The following LRRTM4 variants were observed in gnomAD, a reference collection of about 807,000 sequenced individuals.
LRRTM4 encodes leucine-rich repeat transmembrane neuronal protein 4.
LRRTM4 carries 25 observed loss-of-function variants against 47.6 expected under a neutral mutation model. The ratio of observed to expected loss-of-function variants is 0.53; its 90% confidence interval spans 0.38 to 0.73. The LOEUF (loss-of-function observed/expected upper bound fraction) is 0.73, where lower values mean the gene tolerates loss of function less well. Among genes scored for constraint, LRRTM4 ranks in the 30% least tolerant of loss-of-function variants. The probability of loss-of-function intolerance (pLI) is 0.00; values close to 1 mark genes in which losing one functional copy is unlikely to be tolerated. For missense variants in LRRTM4, 638 were observed against 713.4 expected (o/e 0.89, Z 1.20); for synonymous variants, 311 against 269.5 (o/e 1.15, Z -1.51).
intron 3 of LRRTM4, among the ~76,000 whole-genome samples, chr2:77,137,622 C>A (rs1320516516): frequency 2.6e-5 from 4 of 152,144 alleles, no homozygotes; most frequent in South Asian, 2.1e-4. Context: ...TCACACATAA[C>A]AATATTAACC....
At position 77,207,372 on chromosome 2, in the gene LRRTM4, T is replaced by TATATAC. The variant is rs59335400; in HGVS notation, c.1551+310945_1551+310946insGTATAT. Among the ~76,000 whole-genome samples, 45 of 131,106 alleles carry TATATAC rather than the reference T, an allele frequency of 3.4e-4. 1 individual carries two copies. Among genetic ancestry groups the TATATAC allele is most frequent in the East Asian group, 1.3e-3 (5 of 3,704 alleles). 86.0% of individuals were successfully genotyped at this position (131,106 alleles called of 152,430 possible). A position where few individuals can be genotyped will look rare whatever the true frequency, so the allele number is the denominator to read the frequency against. ...GTGTATATATATATATATATATATA[T>TATATAC]ACACACACACATATTTATATACACA... is the stretch of plus-strand genomic sequence containing the variant. On this transcript the variant is annotated intron_variant, in intron 3 of 3. Transcript: ENST00000409884.
intron 3 of LRRTM4, among the ~76,000 whole-genome samples, chr2:76,865,367 G>GATAC (rs1672435507): frequency 6.6e-6 from 1 of 152,108 alleles, no homozygotes; most frequent in Non-Finnish European, 1.5e-5. Context: ...ACATAGAATT[G>GATAC]ATACCAATGA....
At chr2:77,084,584 T>C (rs1321598229) in intron 3 of LRRTM4, among the ~76,000 whole-genome samples, 1 of 152,228 alleles carries the variant, frequency 6.6e-6, no homozygotes, top group Non-Finnish European at 1.5e-5. Context: ...CATCCCCTGC[T>C]GTACATCTAC....
At chr2:76,766,178 A>G (rs1673447824) in intron 3 of LRRTM4, among the ~76,000 whole-genome samples, 1 of 152,130 alleles carries the variant, frequency 6.6e-6, no homozygotes, top group South Asian at 2.1e-4. Context: ...TCTCCATTAC[A>G]TAGTACAGAT....
At chr2:76,962,618 A>T (rs1217877547) in intron 3 of LRRTM4, among the ~76,000 whole-genome samples, 2 of 150,874 alleles carry the variant, frequency 1.3e-5, no homozygotes, top group Non-Finnish European at 3.0e-5. Context: ...TATTTTTAAA[A>T]TAAAAATAAA....
At chr2:77,010,483 GA>G (rs1677828826) in intron 3 of LRRTM4, among the ~76,000 whole-genome samples, 1 of 144,210 alleles carries the variant, frequency 6.9e-6, no homozygotes. Context: ...TTTTAAGGCA[GA>G]ATAGAATTGT....
chr2:76,994,283 T>A (rs922155351), intron 3 of LRRTM4, among the ~76,000 whole-genome samples: 5 of 151,902 alleles, frequency 3.3e-5, no homozygotes, highest in Admixed American at 1.3e-4. Flanking sequence ...GAAATTATTT[T>A]AAAAATTATA....
In LRRTM4 at chr2:77,157,664, C is replaced by G. The variant is rs1285187205; in HGVS notation, c.1551+360654G>C. Among the ~76,000 whole-genome samples the G allele has an allele frequency of 2.0e-5, 3 of 152,040 alleles. No homozygotes were observed. The East Asian group carries it at 5.8e-4, about 29-fold the overall frequency. On this transcript the variant is annotated intron_variant, in intron 3 of 3. Transcript: ENST00000409884. ...AGAAATAAACCTATAATGTAAAATT[C>G]CTATCTTCCTATGGAATTTTTATCT...
At chr2:77,223,106 A>C (rs1010059904) in intron 3 of LRRTM4, among the ~76,000 whole-genome samples, 1 of 152,224 alleles carries the variant, frequency 6.6e-6, no homozygotes, top group African/African-American at 2.4e-5. Context: ...AAGAAAAAAA[A>C]CCACACAATT....
chr2:77,499,343 G>A (rs756654572), intron 3 of LRRTM4, among the ~76,000 whole-genome samples: 6 of 151,866 alleles, frequency 4.0e-5, no homozygotes, highest in Non-Finnish European at 7.4e-5. Context: ...CCAGAAATGT[G>A]TCAATGGGAA....
Position 77,012,021 on chromosome 2 carries a change from A to G in LRRTM4, c.1552-263105T>C, listed in dbSNP as rs183057179. On this transcript the variant is annotated intron_variant, in intron 3 of 3. Transcript: ENST00000409884. ...CCAGATGCCAGCATTTGAAGCCTGC[A>G]TCAAACTTTAGAGCATAAAAATATG... Among the ~76,000 whole-genome samples the G allele has an allele frequency of 7.9e-5, 12 of 152,260 alleles. No individual in the cohort carries two copies. The East Asian group carries it at 1.2e-3, about 15-fold the overall frequency.
intron 3 of LRRTM4, among the ~76,000 whole-genome samples, chr2:76,952,828 A>G (rs1675540470): frequency 6.6e-6 from 1 of 151,982 alleles, no homozygotes; most frequent in South Asian, 2.1e-4. Context: ...TGTGGTACAC[A>G]TACACTACAG....
chr2:76,899,553 T>C (rs555245155), intron 3 of LRRTM4, among the ~76,000 whole-genome samples: 120 of 152,104 alleles, frequency 7.9e-4, no homozygotes, highest in Non-Finnish European at 1.4e-3. Context: ...ATGAAGGCAA[T>C]AGCTAATGCA....
chr2:77,183,431 A>G (rs895078791), intron 3 of LRRTM4, among the ~76,000 whole-genome samples: 1 of 152,172 alleles, frequency 6.6e-6, no homozygotes, highest in African/African-American at 2.4e-5. Flanking sequence ...TCAGGAAACA[A>G]CAGGTGCTGG....
intron 3 of LRRTM4, among the ~76,000 whole-genome samples, chr2:77,505,736 A>G (rs1390224303): frequency 1.3e-5 from 2 of 151,666 alleles, no homozygotes; most frequent in Non-Finnish European, 3.0e-5. Context: ...ATGGACATAC[A>G]TATACATGCA....
chr2:77,401,383 T>C (rs1040647220), intron 3 of LRRTM4, among the ~76,000 whole-genome samples: 13 of 152,024 alleles, frequency 8.6e-5, no homozygotes, highest in African/African-American at 3.1e-4. Flanking sequence ...GACTATGCTA[T>C]TTAAAATTGC....
At chr2:77,129,900 C>T (rs1671749470) in intron 3 of LRRTM4, among the ~76,000 whole-genome samples, 1 of 152,016 alleles carries the variant, frequency 6.6e-6, no homozygotes, top group Admixed American at 6.6e-5. Flanking sequence ...ATAGAGGGCT[C>T]ATTAGTTCTT....
intron 3 of LRRTM4, among the ~76,000 whole-genome samples, chr2:77,165,442 A>G (rs1008411020): frequency 1.4e-4 from 22 of 152,210 alleles, no homozygotes; most frequent in African/African-American, 5.1e-4. Flanking sequence ...AAAAGAGGGA[A>G]TCCTTCCTAA....
intron 3 of LRRTM4, among the ~76,000 whole-genome samples, chr2:77,145,203 A>T (rs1388253540): frequency 6.8e-6 from 1 of 147,956 alleles, no homozygotes; most frequent in African/African-American, 2.5e-5. Context: ...ACAGATATGT[A>T]TGTGTGTGTG....
Sources: allele counts gnomAD v4.1 joint callset (sites outside exome capture counted in the v4.1 genomes callset), GRCh38; gene constraint gnomAD v4.1.1; transcripts MANE v1.5; gene names NCBI Gene and HGNC (gene_info 2026-07-23, HGNC 2026-07-21).